NRG2: variants seen among roughly 807,000 people sequenced by gnomAD.
The protein encoded by NRG2 is pro-neuregulin-2, membrane-bound isoform.
A neutral mutation model predicts 73.9 loss-of-function variants in NRG2; 27 were observed. That is an observed-to-expected ratio of 0.37 (90% CI 0.27 to 0.50). NRG2 has a LOEUF of 0.50. NRG2 is among the 20% of genes least tolerant of loss of function. NRG2 has a pLI of 0.96. For missense variants in NRG2, 1,126 were observed against 1,210.1 expected, an observed-to-expected ratio of 0.93 and a Z score of 1.03; for synonymous variants, 532 against 541.0, an observed-to-expected ratio of 0.98 and a Z score of 0.23.
chr5:139,971,519 C>T (rs568676275), intron 1 of NRG2, among the ~76,000 whole-genome samples: 2 of 152,184 alleles, frequency 1.3e-5, no homozygotes, highest in Admixed American at 6.5e-5. Flanking sequence ...CAAAATAGGT[C>T]AAACATGCCT....
chr5:139,952,637 C>A (rs1271695965), intron 1 of NRG2, among the ~76,000 whole-genome samples: 1 of 152,212 alleles, frequency 6.6e-6, no homozygotes, highest in Admixed American at 6.5e-5. Flanking sequence ...TGTGTCCCCA[C>A]AGCCTGCTCG....
At chr5:139,867,233 G>A (rs1045249789) in intron 4 of NRG2, among the ~76,000 whole-genome samples, 4 of 152,236 alleles carry the variant, frequency 2.6e-5, no homozygotes, top group Non-Finnish European at 5.9e-5. Context: ...TGGTAGTTGA[G>A]CAGAGGGCTA....
In NRG2 at chr5:139,868,844, C is replaced by T. The variant is rs942526654; in HGVS notation, c.1112+2877G>A. 1.3e-5 allele frequency among the ~76,000 whole-genome samples: 2 copies of T among 151,640 alleles called. No individual in the cohort carries two copies. Among genetic ancestry groups the T allele is most frequent in the African/African-American group, 4.9e-5 (2 of 41,196 alleles). On this transcript the variant is annotated intron_variant, in intron 4 of 9. Coordinates refer to ENST00000361474, the MANE Select transcript of NRG2 (RefSeq NM_004883.3). The surrounding 1 kb of genome is among the most constrained non-coding windows in gnomAD (Gnocchi z 4.2). ...GGCAGATGGAGGTGGGATGGGGAAT[C>T]ACCTGGACATGGGTGGGGTAGGGGC...
intron 1 of NRG2, among the ~76,000 whole-genome samples, chr5:139,998,043 A>C (rs1332363425): frequency 6.6e-6 from 1 of 152,244 alleles, no homozygotes; most frequent in Non-Finnish European, 1.5e-5. Context: ...CTAGGAGTCC[A>C]AAGTGAGAGA....
chr5:140,016,115 C>T (rs973699878), intron 1 of NRG2, among the ~76,000 whole-genome samples: 2 of 152,142 alleles, frequency 1.3e-5, no homozygotes, highest in Non-Finnish European at 2.9e-5. Context: ...AGGGAGGAAG[C>T]AACAGGCCTT....
chr5:139,866,826 T>G (rs1762498770), intron 4 of NRG2, among the ~76,000 whole-genome samples: 1 of 152,158 alleles, frequency 6.6e-6, no homozygotes, highest in Non-Finnish European at 1.5e-5. Context: ...AATCTCAGAT[T>G]TCTTGCAGAA....
chr5:139,985,631 G>A (rs155348), intron 1 of NRG2, among the ~76,000 whole-genome samples: 51,501 of 152,010 alleles, frequency 0.34, 9,489 homozygotes, highest in African/African-American at 0.48. Flanking sequence ...TTACATCCAC[G>A]TATCCCTGTT....
intron 1 of NRG2, among the ~76,000 whole-genome samples, chr5:139,962,779 A>G (rs1262604952): frequency 6.6e-6 from 1 of 152,202 alleles, no homozygotes; most frequent in Non-Finnish European, 1.5e-5. Context: ...TAAGTCAGCA[A>G]CCAAGCCAGT....
chr5:139,848,626 A>C lies in NRG2; in HGVS notation c.1844T>G (p.Val615Gly). 1 of 1,577,460 alleles carries C rather than the reference A, an allele frequency of 6.3e-7. No individual in the cohort carries two copies. Among genetic ancestry groups the C allele is most frequent in the Non-Finnish European group, 8.5e-7 (1 of 1,171,426 alleles). ...VDFHYSLATQ[V>G]PTFEITSPNS... is the part of the protein sequence containing the mutation. ...GGGGGACGTGATCTCGAAAGTTGGC[A>C]CCTGCGTGGCCAGCGAGTAGTGGAA... is the stretch of plus-strand genomic sequence containing the variant. The change falls in exon 10 of 10, where the codon GTG (valine) becomes GGG (glycine). Residue 615 changes from valine to glycine, a missense_variant. Transcript: ENST00000361474.
chr5:140,018,586 G>A (rs184725134), intron 1 of NRG2, among the ~76,000 whole-genome samples: 26 of 152,266 alleles, frequency 1.7e-4, no homozygotes, highest in East Asian at 1.5e-3. Context: ...TCTCATAGCC[G>A]TGGCACTTGA....
intron 1 of NRG2, among the ~76,000 whole-genome samples, chr5:139,931,079 C>T (rs897151848): frequency 6.6e-6 from 1 of 152,150 alleles, no homozygotes; most frequent in Non-Finnish European, 1.5e-5. Flanking sequence ...ATCATTTAAC[C>T]TTTCTGGGTC....
chr5:139,860,371 A>ATTTTT (rs370113852), intron 5 of NRG2, among the ~76,000 whole-genome samples: 3 of 144,894 alleles, frequency 2.1e-5, no homozygotes, highest in African/African-American at 7.6e-5. Context: ...TGGGGGCCCA[A>ATTTTT]TTTTTTTTTT....
chr5:139,871,827 A>T lies in NRG2; in HGVS notation c.1006T>A (p.Ser336Thr), dbSNP rs779273032. The change falls in exon 4 of 10, where the codon TCA (serine) becomes ACA (threonine). Residue 336 changes from serine to threonine, a missense_variant. This residue lies in a region of NRG2 where 539 missense variants were observed against 703.2 expected (regional missense o/e 0.77). Transcript: ENST00000361474. ...TTCCGGGCGTGCCCCGACCAGGATGACAGGGTGGTGCTCACTGAGGGTATG... is the reference window on the plus strand; with the variant it reads ...TTCCGGGCGTGCCCCGACCAGGATGTCAGGGTGGTGCTCACTGAGGGTATG... Reference protein sequence around the residue: ...LYVNSVSTTLSSWSGHARKCN... With the variant: ...LYVNSVSTTLTSWSGHARKCN... The T allele has an allele frequency of 6.8e-6, 11 of 1,613,964 alleles. No individual in the cohort carries two copies. Among genetic ancestry groups the T allele is most frequent in the Non-Finnish European group, 9.3e-6 (11 of 1,179,984 alleles).
At chr5:139,929,606 A>ACCTGC (rs1489647980) in intron 1 of NRG2, among the ~76,000 whole-genome samples, 1 of 152,202 alleles carries the variant, frequency 6.6e-6, no homozygotes, top group African/African-American at 2.4e-5. Flanking sequence ...GTACAGAAAT[A>ACCTGC]CCTGCCCAGA....
At chr5:139,990,927 C>T (rs1257349489) in intron 1 of NRG2, among the ~76,000 whole-genome samples, 3 of 152,110 alleles carry the variant, frequency 2.0e-5, no homozygotes, top group Admixed American at 1.3e-4. Context: ...GTTGCAAAGA[C>T]CTTTTTCCAG....
intron 5 of NRG2, among the ~76,000 whole-genome samples, chr5:139,857,143 A>G (rs1275177793): frequency 6.6e-6 from 1 of 152,036 alleles, no homozygotes; most frequent in Non-Finnish European, 1.5e-5. Context: ...GGGCTTTGGA[A>G]TGGTTCTTCT....
In NRG2 at chr5:139,893,719, C is replaced by G. The variant is rs556106335; in HGVS notation, c.701-6208G>C. On this transcript the variant is annotated intron_variant, in intron 1 of 9. Transcript: ENST00000361474. ...GGCTACTTCATCCATTCTCTTCCTC[C>G]TGGGACAAGGGTTCACTGGAGTTGA... Among the ~76,000 whole-genome samples, 17 of 152,300 alleles carry G rather than the reference C, an allele frequency of 1.1e-4. No individual in the cohort carries two copies. The South Asian group carries it at 3.5e-3, about 32-fold the overall frequency.
At chr5:139,987,338 A>T (rs1757244232) in intron 1 of NRG2, among the ~76,000 whole-genome samples, 1 of 143,896 alleles carries the variant, frequency 6.9e-6, no homozygotes, top group Non-Finnish European at 1.5e-5. Context: ...ACTGCGCTCC[A>T]GCCTGGGTGA....
chr5:139,997,599 AT>A, intron 1 of NRG2, among the ~76,000 whole-genome samples: 1 of 152,256 alleles, frequency 6.6e-6, no homozygotes, highest in Non-Finnish European at 1.5e-5. Context: ...GAGGACAGAC[AT>A]GGCAGAGCTG....
Sources: gnomAD v4.1 joint callset for allele counts (sites outside exome capture counted in the v4.1 genomes callset) on GRCh38, gnomAD v4.1.1 for gene constraint, gnomAD v4.1.1 regional missense constraint, Gnocchi (gnomAD v3.1) non-coding constraint, MANE v1.5 for transcripts, NCBI Gene and HGNC (gene_info 2026-07-23, HGNC 2026-07-21) for gene names.